The following KATNAL1 variants were observed in gnomAD, a reference collection of about 807,000 sequenced individuals.
The protein encoded by KATNAL1 is katanin p60 ATPase-containing subunit A-like 1.
Under a neutral mutation model 55.2 loss-of-function variants are expected in KATNAL1, and 32 were observed. The ratio of observed to expected loss-of-function variants is 0.58; its 90% CI spans 0.44 to 0.78. The LOEUF (loss-of-function observed/expected upper bound fraction) is 0.78, where lower values mean the gene tolerates loss of function less well. KATNAL1 is among the 30% of genes least tolerant of loss of function. The probability of loss-of-function intolerance (pLI) is 0.00; values close to 1 mark genes in which losing one functional copy is unlikely to be tolerated. For synonymous variants in KATNAL1, 193 were observed against 193.6 expected (o/e 1.00, Z 0.02); for missense variants, 466 against 600.9 (o/e 0.78, Z 2.35).
chr13:30,233,122 A>G (rs1274505989), intron 6 of KATNAL1, among the ~76,000 whole-genome samples: 1 of 152,150 alleles, frequency 6.6e-6, no homozygotes, highest in Non-Finnish European at 1.5e-5. Context: ...TAAATAGATT[A>G]TATCAAACTA....
Position 30,274,904 on chromosome 13 carries a change from C to T in KATNAL1, c.323+5159G>A, listed in dbSNP as rs529792288. The stretch of plus-strand genomic sequence containing the variant: ...GTGCACACACATACGCGCGCGCGCG[C>T]GCGCACACACACACACACACACACA... On this transcript the variant is annotated intron_variant, in intron 3 of 10. Transcript: ENST00000380615. Among the ~76,000 whole-genome samples the T allele has an allele frequency of 1.3e-3, 115 of 85,244 alleles. No homozygotes were observed. The South Asian group carries it at 0.016, about 12-fold the overall frequency. 55.9% of individuals were successfully genotyped at this position (85,244 alleles called of 152,430 possible).
chr13:30,268,657 T>C (rs1173265015), intron 3 of KATNAL1, among the ~76,000 whole-genome samples: 3 of 152,182 alleles, frequency 2.0e-5, no homozygotes, highest in Non-Finnish European at 2.9e-5. Flanking sequence ...TAAAATATCA[T>C]GTAAGAGTGA....
chr13:30,242,177 CG>C (rs1357319249), intron 4 of KATNAL1, among the ~76,000 whole-genome samples: 1 of 152,116 alleles, frequency 6.6e-6, no homozygotes, highest in Non-Finnish European at 1.5e-5. Context: ...ATTCTAGAAA[CG>C]TATCAACGAA....
intron 3 of KATNAL1, among the ~76,000 whole-genome samples, chr13:30,275,062 G>GT (rs901826130): frequency 1.3e-5 from 2 of 152,094 alleles, no homozygotes; most frequent in Non-Finnish European, 2.9e-5. Flanking sequence ...GTGTTAGTCT[G>GT]TTTTTGTTTT....
chr13:30,225,135 C>T (rs1011662884), intron 9 of KATNAL1, among the ~76,000 whole-genome samples: 5 of 152,168 alleles, frequency 3.3e-5, no homozygotes, highest in African/African-American at 1.2e-4. Context: ...AAAGTCCATT[C>T]ATCAAGGTTA....
chr13:30,216,133 C>G (rs142811541), intron 9 of KATNAL1, among the ~76,000 whole-genome samples: 57 of 152,012 alleles, frequency 3.7e-4, no homozygotes, highest in African/African-American at 1.4e-3. Context: ...AGGCAAGATA[C>G]AAATGAACAC....
chr13:30,212,464 G>A (rs917077168), intron 9 of KATNAL1, among the ~76,000 whole-genome samples: 2 of 152,368 alleles, frequency 1.3e-5, no homozygotes, highest in Admixed American at 6.5e-5. Context: ...GCCCTTGGCC[G>A]GCGTGGGATC....
rs61948761 is a variant in KATNAL1, at chr13:30,274,020, G to A, written c.323+6043C>T. ...AACATGTCTATTTCTGCATCCCACC[G>A]TATGTGGGACGGCACCAGGCACAAT... On this transcript the variant is annotated intron_variant, in intron 3 of 10. Coordinates refer to ENST00000380615, the MANE Select transcript of KATNAL1 (RefSeq NM_032116.5). Among the ~76,000 whole-genome samples, 1,474 of 152,262 alleles carry A rather than the reference G, an allele frequency of 9.7e-3. 7 individuals are homozygous for A. The highest frequency in any genetic ancestry group is 0.029 in the South Asian group (142 of 4,824).
chr13:30,252,659 A>G (rs1484754335), intron 4 of KATNAL1, among the ~76,000 whole-genome samples: 4 of 152,200 alleles, frequency 2.6e-5, no homozygotes, highest in Non-Finnish European at 5.9e-5. Context: ...GCAATACACA[A>G]AACTGATCTT....
chr13:30,296,106 C>T (rs1882471906), intron 1 of KATNAL1: 1 of 349,948 alleles, frequency 2.9e-6, no homozygotes, highest in Non-Finnish European at 5.3e-6. Flanking sequence ...CGCACGTGAT[C>T]GTCCGTGCAT....
Position 30,205,575 on chromosome 13 carries a change from T to C in KATNAL1, c.*2965A>G, listed in dbSNP as rs1159268220. 1 of 152,240 alleles carries C rather than the reference T, an allele frequency of 6.6e-6. No homozygotes were observed. Among genetic ancestry groups the C allele is most frequent in the Admixed American group, 6.5e-5 (1 of 15,278 alleles). 9.4% of individuals were successfully genotyped at this position (152,240 alleles called of 1,614,324 possible). A position where few individuals can be genotyped will look rare whatever the true frequency, so the allele number is the denominator to read the frequency against. On this transcript the variant is annotated 3_prime_UTR_variant, in exon 11 of 11. Coordinates refer to ENST00000380615, the MANE Select transcript of KATNAL1 (RefSeq NM_032116.5). The stretch of plus-strand genomic sequence containing the variant: ...CAAAACAATTCAATCTCATTCTGGG[T>C]AAGGCAACACACTGTCTTCTGCAAT...
At chr13:30,259,681 G>A (rs1879101791) in intron 3 of KATNAL1, among the ~76,000 whole-genome samples, 1 of 152,196 alleles carries the variant, frequency 6.6e-6, no homozygotes, top group Admixed American at 6.5e-5. Flanking sequence ...AAAAAACGCG[G>A]CACCAGGAGA....
At chr13:30,209,589 G>A (rs902499391) in intron 10 of KATNAL1, among the ~76,000 whole-genome samples, 4 of 152,310 alleles carry the variant, frequency 2.6e-5, no homozygotes, top group Admixed American at 6.5e-5. Context: ...TTATGATGTC[G>A]CTAAACTGAA....
chr13:30,265,489 C>T (rs74934505), intron 3 of KATNAL1, among the ~76,000 whole-genome samples: 11,852 of 151,820 alleles, frequency 0.078, 477 homozygotes, highest in Admixed American at 0.09. Flanking sequence ...CCACAGACAA[C>T]GTTATGATAC....
intron 4 of KATNAL1, among the ~76,000 whole-genome samples, chr13:30,254,215 A>C (rs1051481329): frequency 6.6e-6 from 1 of 152,254 alleles, no homozygotes; most frequent in Non-Finnish European, 1.5e-5. Context: ...AATGAAGAAA[A>C]GAAACAAAAA....
In KATNAL1 at chr13:30,202,947, A is replaced by T. The variant is rs1872817619; in HGVS notation, c.*5593T>A. ...TATGAATATACATTTGTCAGTAAAA[A>T]TGTGACAAAAATGTGATGTTTTTCC... On this transcript the variant is annotated 3_prime_UTR_variant, in exon 11 of 11. Transcript: ENST00000380615. 6.6e-6 allele frequency: 1 copy of T among 152,200 alleles called. No homozygotes were observed. The highest frequency in any genetic ancestry group is 2.4e-5 in the African/African-American group (1 of 41,450). The allele number at this position is 152,200 out of a possible 1,614,324, so 9.4% of individuals were successfully genotyped here. A position where few individuals can be genotyped will look rare whatever the true frequency, so the allele number is the denominator to read the frequency against.
intron 4 of KATNAL1, among the ~76,000 whole-genome samples, chr13:30,245,240 C>A (rs1877670197): frequency 6.6e-6 from 1 of 152,132 alleles, no homozygotes; most frequent in East Asian, 1.9e-4. Flanking sequence ...GGATGCAGGG[C>A]TAGTTCAACA....
At chr13:30,279,094 A>G (rs2137527689) in intron 3 of KATNAL1, among the ~76,000 whole-genome samples, 1 of 152,324 alleles carries the variant, frequency 6.6e-6, no homozygotes, top group Non-Finnish European at 1.5e-5. Context: ...CGTATTTTCT[A>G]CGGTGCAATA....
intron 3 of KATNAL1, among the ~76,000 whole-genome samples, chr13:30,257,435 C>T (rs566244527): frequency 6.6e-6 from 1 of 152,328 alleles, no homozygotes; most frequent in African/African-American, 2.4e-5. Flanking sequence ...TAGCCAGAGC[C>T]TCTGCTCACC....
Sources: gnomAD v4.1 joint callset for allele counts (sites outside exome capture counted in the v4.1 genomes callset) on GRCh38, gnomAD v4.1.1 for gene constraint, MANE v1.5 for transcripts, NCBI Gene and HGNC (gene_info 2026-07-23, HGNC 2026-07-21) for gene names.